CENPK: variants seen among roughly 807,000 people sequenced by gnomAD.
The protein encoded by CENPK is centromere protein K.
CENPK carries 46 observed loss-of-function variants against 40.9 expected under a neutral mutation model. The ratio of observed to expected loss-of-function variants is 1.13; its 90% CI spans 0.89 to 1.44. The LOEUF is 1.44. CENPK is among the 40% of genes most tolerant of loss of function. CENPK has a pLI of 0.00. For synonymous variants in CENPK, 107 were observed against 104.4 expected (o/e 1.02, Z -0.15); for missense variants, 288 against 303.5 (o/e 0.95, Z 0.38).
the CENPK span, among the ~76,000 whole-genome samples, chr5:65,503,151 C>T: frequency 6.9e-6 from 1 of 145,414 alleles, no homozygotes; most frequent in Non-Finnish European, 1.5e-5. Flanking sequence ...CACTCTGTCT[C>T]CTAGGCTGGA....
chr5:65,556,104 T>C (rs1463823088), intron 2 of CENPK, among the ~76,000 whole-genome samples: 1 of 152,196 alleles, frequency 6.6e-6, no homozygotes, highest in African/African-American at 2.4e-5. Context: ...CCTAGGCTAA[T>C]GTGTTTGTGT....
chr5:65,513,509 A>T (rs1174906671), downstream of CENPK, among the ~76,000 whole-genome samples: 1 of 152,078 alleles, frequency 6.6e-6, no homozygotes, highest in Non-Finnish European at 1.5e-5. Context: ...ATCTTGTACA[A>T]AGTTAATTTT....
chr5:65,537,373 C>T (rs1474866325), intron 6 of CENPK, among the ~76,000 whole-genome samples: 1 of 152,188 alleles, frequency 6.6e-6, no homozygotes, highest in African/African-American at 2.4e-5. Flanking sequence ...AGGGCGATCT[C>T]GGCTCACTGC....
intron 9 of CENPK, among the ~76,000 whole-genome samples, chr5:65,526,159 G>A (rs560120406): frequency 2.0e-4 from 30 of 152,234 alleles, no homozygotes; most frequent in South Asian, 1.0e-3. Context: ...TTTTCAGGAT[G>A]CCTCAAACCT....
rs1385604405 is a variant in CENPK, at chr5:65,547,365, C to T, written c.241+4199G>A. On this transcript the variant is annotated intron_variant, in intron 5 of 10. Transcript: ENST00000396679. ...CCGAGATTGCACCACTGCACTCCAGCCTGGGCGACAGAGTAAGACTGTCTC... is the reference window on the plus strand; with the variant it reads ...CCGAGATTGCACCACTGCACTCCAGTCTGGGCGACAGAGTAAGACTGTCTC... Among the ~76,000 whole-genome samples, 3 of 146,518 alleles carry T rather than the reference C, an allele frequency of 2.0e-5. No individual in the cohort carries two copies. In the Admixed American group the frequency reaches 2.1e-4, roughly 10 times the overall value.
At chr5:65,551,118 C>A in intron 5 of CENPK, 1 of 363,768 alleles carries the variant, frequency 2.7e-6, no homozygotes, top group Non-Finnish European at 5.3e-6. Context: ...AGCATGGTGG[C>A]ACACACTTGT....
the CENPK span, among the ~76,000 whole-genome samples, chr5:65,496,722 G>GT: frequency 6.8e-4 from 103 of 151,492 alleles, no homozygotes; most frequent in Admixed American, 1.5e-3. Flanking sequence ...TTTGCTGTTT[G>GT]TTTTTTTTCC....
At chr5:65,528,115 C>G (rs1745056085) in intron 9 of CENPK, among the ~76,000 whole-genome samples, 1 of 152,082 alleles carries the variant, frequency 6.6e-6, no homozygotes, top group African/African-American at 2.4e-5. Flanking sequence ...GTGGCACACA[C>G]CTGTAGTCCC....
At chr5:65,555,086 G>T in intron 2 of CENPK, 140 bp from the exon 3 acceptor site, 1 of 507,020 alleles carries the variant, frequency 2.0e-6, no homozygotes, top group Non-Finnish European at 3.4e-6. Flanking sequence ...TTCTAAGTAA[G>T]GAAAACAGAC....
chr5:65,499,689 C>CTT, the CENPK span, among the ~76,000 whole-genome samples: 3 of 102,750 alleles, frequency 2.9e-5, no homozygotes, highest in Non-Finnish European at 5.8e-5. Context: ...TTATTATACT[C>CTT]TAAGTTTTAG....
intron 6 of CENPK, among the ~76,000 whole-genome samples, chr5:65,536,314 G>A (rs980013096): frequency 3.9e-5 from 6 of 152,074 alleles, no homozygotes; most frequent in East Asian, 1.9e-4. Context: ...CTTTTTCAAT[G>A]TAAAGAATCG....
At chr5:65,507,438 G>A in the CENPK span, among the ~76,000 whole-genome samples, 1 of 152,196 alleles carries the variant, frequency 6.6e-6, no homozygotes, top group Non-Finnish European at 1.5e-5. Context: ...CGAGAAGGGA[G>A]AGCTAAACAA....
At chr5:65,538,220 G>A (rs894628847) in intron 6 of CENPK, among the ~76,000 whole-genome samples, 25 of 152,214 alleles carry the variant, frequency 1.6e-4, no homozygotes, top group African/African-American at 5.8e-4. Context: ...GTTCCCTGAA[G>A]TGTCTCTCCT....
intron 5 of CENPK, chr5:65,550,646 C>T (rs990802438): frequency 2.0e-5 from 3 of 152,060 alleles, no homozygotes; most frequent in African/African-American, 7.2e-5. Context: ...GACACAGGCT[C>T]GCCACAAACT....
intron 7 of CENPK, 28 bp downstream of exon 7, chr5:65,529,089 A>G: frequency 6.5e-7 from 1 of 1,545,380 alleles, no homozygotes; most frequent in Non-Finnish European, 8.9e-7. Context: ...TATATGAATG[A>G]TTAATAGTAA....
At chr5:65,516,301 A>G (rs1356918026), downstream of CENPK, among the ~76,000 whole-genome samples, 1 of 152,194 alleles carries the variant, frequency 6.6e-6, no homozygotes, top group African/African-American at 2.4e-5. Context: ...ATTGATATAA[A>G]TTACTATATT....
At chr5:65,515,299 G>A (rs1373711379), downstream of CENPK, among the ~76,000 whole-genome samples, 2 of 148,272 alleles carry the variant, frequency 1.3e-5, no homozygotes, top group Non-Finnish European at 3.0e-5. Context: ...CGCCTCCCGG[G>A]TTCAGGCCAT....
chr5:65,518,548 A>C lies in CENPK; in HGVS notation c.737T>G (p.Leu246Arg). ...DSFWPPYVELLLRNGIALRHP... is the reference protein window; with the variant it reads ...DSFWPPYVELRLRNGIALRHP... ...TCTCAAGGCAATTCCATTACGCAGC[A>C]GCAGCTCAACATAAGGTGGCCAAAA... Residue 246 changes from leucine to arginine, a missense_variant, in exon 11 of 11, where the codon CTG becomes CGG. Physicochemically the swap from Leu to Arg is moderately radical, Grantham distance 102. Coordinates refer to ENST00000396679, the MANE Select transcript of CENPK (RefSeq NM_022145.5). The C allele has an allele frequency of 1.9e-6, 3 of 1,613,582 alleles. No homozygotes were observed. The highest frequency in any genetic ancestry group is 2.5e-6 in the Non-Finnish European group (3 of 1,179,696).
intron 9 of CENPK, among the ~76,000 whole-genome samples, chr5:65,523,194 T>C (rs1744089059): frequency 6.6e-6 from 1 of 152,228 alleles, no homozygotes; most frequent in African/African-American, 2.4e-5. Context: ...ATTTACTATC[T>C]AGCCCTCTTA....
Sources: allele counts gnomAD v4.1 joint callset (sites outside exome capture counted in the v4.1 genomes callset), GRCh38; gene constraint gnomAD v4.1.1; transcripts MANE v1.5; gene names NCBI Gene and HGNC (gene_info 2026-07-23, HGNC 2026-07-21).